Variants in DLGAP2 observed in about 807,000 individuals in gnomAD.
DLGAP2 encodes disks large-associated protein 2.
A neutral mutation model predicts 100.3 loss-of-function variants in DLGAP2; 26 were observed. That is an observed-to-expected ratio of 0.26 (90% CI 0.19 to 0.36). DLGAP2 has a LOEUF of 0.36. Among genes scored for constraint, DLGAP2 ranks in the 10% least tolerant of loss-of-function variants. The pLI is 1.00. For synonymous variants in DLGAP2, 886 were observed against 630.1 expected, an observed-to-expected ratio of 1.41 and a Z score of -6.08; for missense variants, 1,858 against 1,453.2, an observed-to-expected ratio of 1.28 and a Z score of -4.53.
chr8:781,310 A>C (rs2132624088), intron 1 of DLGAP2, among the ~76,000 whole-genome samples: 1 of 152,276 alleles, frequency 6.6e-6, no homozygotes, highest in Non-Finnish European at 1.5e-5. Context: ...AATGACGTTA[A>C]GTTTTTTCTT....
intron 2 of DLGAP2, among the ~76,000 whole-genome samples, chr8:1,036,180 G>A (rs1449432568): frequency 1.5e-5 from 2 of 137,880 alleles, no homozygotes; most frequent in East Asian, 2.3e-4. Context: ...TCCCGACCCC[G>A]CGTGTCACCG....
chr8:1,090,341 C>T (rs566710847), intron 2 of DLGAP2, among the ~76,000 whole-genome samples: 3 of 133,130 alleles, frequency 2.3e-5, no homozygotes, highest in Admixed American at 8.5e-5. Flanking sequence ...TGTCTGCCCT[C>T]TGGGGCCCTC....
At chr8:1,374,859 G>A (rs1209675733) in intron 3 of DLGAP2, among the ~76,000 whole-genome samples, 3 of 152,168 alleles carry the variant, frequency 2.0e-5, no homozygotes, top group Non-Finnish European at 4.4e-5. Context: ...CTCCGGTGCC[G>A]CACGGCCTGG....
rs976617111 is a variant in DLGAP2 at position 848,356 on chromosome 8, G to A, written c.19-59556G>A. ...TGCGTGTTCCAGTATAGGAACGTGC[G>A]GTGCCTGTTCCAGTGTAGGGTCGTG... On this transcript the variant is annotated intron_variant, in intron 1 of 14. Transcript: ENST00000637795. Among the ~76,000 whole-genome samples the A allele has an allele frequency of 2.1e-4, 26 of 121,994 alleles. 1 individual carries two copies. The highest frequency in any genetic ancestry group is 7.0e-4 in the African/African-American group (24 of 34,444). 80.0% of individuals were successfully genotyped at this position (121,994 alleles called of 152,430 possible).
intron 3 of DLGAP2, among the ~76,000 whole-genome samples, chr8:1,373,110 T>TG (rs544311287): frequency 1.1e-3 from 160 of 152,078 alleles, no homozygotes; most frequent in Non-Finnish European, 1.8e-3. Context: ...CCTCCGTGCC[T>TG]GGGGGGGCGC....
intron 4 of DLGAP2, among the ~76,000 whole-genome samples, chr8:1,514,241 G>T (rs1800279961): frequency 6.6e-6 from 1 of 152,206 alleles, no homozygotes; most frequent in African/African-American, 2.4e-5. Context: ...TCCTCTTTCT[G>T]CCTGAATTTA....
chr8:1,205,682 G>T lies in DLGAP2; in HGVS notation c.74-53169G>T, dbSNP rs147086652. Among the ~76,000 whole-genome samples the T allele has an allele frequency of 5.9e-5, 9 of 152,304 alleles. 1 individual carries two copies. The East Asian group carries it at 1.5e-3, about 26-fold the overall frequency. On this transcript the variant is annotated intron_variant, in intron 2 of 14. Transcript: ENST00000637795. ...AGGTGGGAAGGCTGGACAGGTAGAG[G>T]TGACCGGAGCACTGGGATTCGGACA...
At chr8:1,329,350 T>G (rs1041087977) in intron 3 of DLGAP2, among the ~76,000 whole-genome samples, 4 of 152,232 alleles carry the variant, frequency 2.6e-5, no homozygotes, top group Non-Finnish European at 5.9e-5. Context: ...TAAATGGCAT[T>G]TCATTTAGAA....
At chr8:1,512,534 G>A (rs891303529) in intron 4 of DLGAP2, among the ~76,000 whole-genome samples, 1 of 152,160 alleles carries the variant, frequency 6.6e-6, no homozygotes, top group Non-Finnish European at 1.5e-5. Context: ...GGTTGCACGT[G>A]TGACTGACGC....
At position 1,565,894 on chromosome 8, in the gene DLGAP2, C is replaced by T. The variant is rs767712714; in HGVS notation, c.1442C>T (p.Thr481Ile). The T allele has an allele frequency of 1.0e-5, 16 of 1,596,972 alleles. No individual in the cohort carries two copies. The highest frequency in any genetic ancestry group is 4.0e-5 in the African/African-American group (3 of 74,444). Residue 481 changes from threonine (T) to isoleucine (I), a missense_variant and splice_region_variant, in exon 6 of 15, where the codon ACC becomes ATC. Thr to Ile is a moderately conservative substitution (Grantham distance 89, BLOSUM62 -1). Coordinates refer to ENST00000637795, the MANE Select transcript of DLGAP2 (RefSeq NM_001346810.2). ...IGQRPLGEHQ[T>I]QTYLQAASDV... ...CAGAGACCGCTTGGAGAGCACCAGA[C>T]GTAAGTGAGACCAGCTGCCTTCCCA...
chr8:1,298,528 G>A (rs976873967), intron 3 of DLGAP2, among the ~76,000 whole-genome samples: 4 of 152,104 alleles, frequency 2.6e-5, no homozygotes, highest in Non-Finnish European at 4.4e-5. Flanking sequence ...GAGAGGCAGC[G>A]TACCCTGCAG....
At chr8:1,175,710 G>C (rs1797237906) in intron 2 of DLGAP2, among the ~76,000 whole-genome samples, 1 of 152,194 alleles carries the variant, frequency 6.6e-6, no homozygotes, top group Non-Finnish European at 1.5e-5. Context: ...GCACCTTTAA[G>C]AGCTCAATTC....
chr8:1,202,597 A>G (rs1199058248), intron 2 of DLGAP2, among the ~76,000 whole-genome samples: 1 of 152,180 alleles, frequency 6.6e-6, no homozygotes, highest in Non-Finnish European at 1.5e-5. Flanking sequence ...GACACCACAG[A>G]GGCCGTAACA....
intron 4 of DLGAP2, among the ~76,000 whole-genome samples, chr8:1,546,719 C>T (rs1259484517): frequency 6.6e-6 from 1 of 152,134 alleles, no homozygotes; most frequent in Non-Finnish European, 1.5e-5. Context: ...GTGGGTGGCT[C>T]TCCAAGCGCA....
chr8:1,430,879 A>G (rs890310782), intron 3 of DLGAP2, among the ~76,000 whole-genome samples: 4 of 152,194 alleles, frequency 2.6e-5, no homozygotes, highest in Non-Finnish European at 5.9e-5. Context: ...GGCATTGGCA[A>G]TAATGAATGA....
chr8:1,654,640 G>A lies in DLGAP2; in HGVS notation c.1811-13689G>A, dbSNP rs60494579. Among the ~76,000 whole-genome samples, 1,309 of 136,116 alleles carry A rather than the reference G, an allele frequency of 9.6e-3. 22 individuals are homozygous for A. Among genetic ancestry groups the A allele is most frequent in the Middle Eastern group, 0.037 (9 of 240 alleles). The allele number at this position is 136,116 out of a possible 152,430, so 89.3% of individuals were successfully genotyped here. On this transcript the variant is annotated intron_variant, in intron 8 of 14. Transcript: ENST00000637795. ...CACGCCATTGCACTCCAGCCTGGGT[G>A]ACAAGAGTGAAACTCCGTCTCAAAA... is the stretch of plus-strand genomic sequence containing the variant.
chr8:1,645,790 TAAACAA>T (rs1235307504), intron 8 of DLGAP2, among the ~76,000 whole-genome samples: 1 of 152,226 alleles, frequency 6.6e-6, no homozygotes, highest in Non-Finnish European at 1.5e-5. Context: ...TTTTTGGACT[TAAACAA>T]AATTGCTTCC....
intron 3 of DLGAP2, among the ~76,000 whole-genome samples, chr8:1,321,160 C>T (rs10103190): frequency 0.15 from 22,718 of 146,876 alleles, 1,995 homozygotes; most frequent in African/African-American, 0.25. Flanking sequence ...CATCCGTGCC[C>T]GTATGTGTCT....
intron 3 of DLGAP2, among the ~76,000 whole-genome samples, chr8:1,346,990 C>G (rs1414681730): frequency 1.3e-5 from 2 of 152,016 alleles, no homozygotes; most frequent in South Asian, 2.1e-4. Flanking sequence ...GCATTGCACT[C>G]ATGGTAGCTG....
Sources: allele counts gnomAD v4.1 joint callset (sites outside exome capture counted in the v4.1 genomes callset), GRCh38; gene constraint gnomAD v4.1.1; transcripts MANE v1.5; gene names NCBI Gene and HGNC (gene_info 2026-07-23, HGNC 2026-07-21).